NWD2: variants seen among roughly 807,000 people sequenced by gnomAD.
The protein encoded by NWD2 is NACHT and WD repeat domain containing 2.
A neutral mutation model predicts 132.7 loss-of-function variants in NWD2; 37 were observed. The ratio of observed to expected loss-of-function variants is 0.28; its 90% CI spans 0.21 to 0.37. The LOEUF is 0.37. Among genes scored for constraint, NWD2 ranks in the 10% least tolerant of loss-of-function variants. NWD2 has a pLI of 1.00. For synonymous variants in NWD2, 705 were observed against 803.0 expected (o/e 0.88, Z 2.06); for missense variants, 1,592 against 2,122.4 (o/e 0.75, Z 4.91).
intron 1 of NWD2, among the ~76,000 whole-genome samples, chr4:37,299,956 C>G (rs1718579325): frequency 6.6e-6 from 1 of 152,082 alleles, no homozygotes; most frequent in African/African-American, 2.4e-5. Flanking sequence ...AATTTAACCC[C>G]CATACACTAT....
At chr4:37,374,764 C>T (rs958046607) in intron 3 of NWD2, among the ~76,000 whole-genome samples, 5 of 152,014 alleles carry the variant, frequency 3.3e-5, no homozygotes, top group Non-Finnish European at 7.4e-5. Context: ...GAAATAATAA[C>T]AGCAACAATA....
At chr4:37,253,038 C>T (rs1235748023) in intron 1 of NWD2, among the ~76,000 whole-genome samples, 2 of 150,656 alleles carry the variant, frequency 1.3e-5, no homozygotes, top group East Asian at 4.1e-4. Context: ...CTTTGACCTC[C>T]CTTTGTTATA....
chr4:37,375,141 T>C lies in NWD2; in HGVS notation c.357+18659T>C, dbSNP rs192646420. Among the ~76,000 whole-genome samples the C allele has an allele frequency of 2.1e-4, 32 of 152,312 alleles. No homozygotes were observed. In the South Asian group the frequency reaches 4.3e-3, roughly 21 times the overall value. ...CAAATAAATTGTTCCATTGTGAAGA[T>C]AGGCAAAGGTGTAAAAGTTCTCTTA... On this transcript the variant is annotated intron_variant, in intron 3 of 6. Coordinates refer to ENST00000309447, the MANE Select transcript of NWD2 (RefSeq NM_001144990.2).
chr4:37,432,838 G>A (rs1712217069), intron 4 of NWD2, among the ~76,000 whole-genome samples: 1 of 152,086 alleles, frequency 6.6e-6, no homozygotes. Flanking sequence ...TCCTTTAAAA[G>A]CAAATGAAAA....
chr4:37,391,132 A>G (rs1000750144), intron 3 of NWD2, among the ~76,000 whole-genome samples: 8 of 152,140 alleles, frequency 5.3e-5, no homozygotes, highest in African/African-American at 1.7e-4. Context: ...CCACTCAGAA[A>G]ATGTGTTTGT....
At chr4:37,403,954 A>G (rs759023701) in intron 3 of NWD2, among the ~76,000 whole-genome samples, 7 of 152,204 alleles carry the variant, frequency 4.6e-5, no homozygotes, top group Non-Finnish European at 4.4e-5. Flanking sequence ...AACAATTAGC[A>G]TCTTGTAGTT....
chr4:37,290,479 T>C (rs1718335468), intron 1 of NWD2, among the ~76,000 whole-genome samples: 1 of 152,144 alleles, frequency 6.6e-6, no homozygotes, highest in African/African-American at 2.4e-5. Flanking sequence ...CAGAGTGTTA[T>C]GGGAGTGTAT....
intron 1 of NWD2, among the ~76,000 whole-genome samples, chr4:37,247,010 G>A (rs938024567): frequency 2.6e-5 from 4 of 152,166 alleles, no homozygotes; most frequent in African/African-American, 9.7e-5. Flanking sequence ...TCGAATAAAA[G>A]CTTTAGCACA....
intron 3 of NWD2, among the ~76,000 whole-genome samples, chr4:37,424,916 G>A (rs1437973478): frequency 6.6e-6 from 1 of 152,144 alleles, no homozygotes; most frequent in Non-Finnish European, 1.5e-5. Context: ...AGTTGCAGCA[G>A]AGCTAACTGC....
chr4:37,303,440 T>G (rs1718645984), intron 1 of NWD2, among the ~76,000 whole-genome samples: 1 of 152,236 alleles, frequency 6.6e-6, no homozygotes, highest in African/African-American at 2.4e-5. Flanking sequence ...ATTTGAGATT[T>G]TTGTTACGGT....
chr4:37,405,431 GAAT>G, intron 3 of NWD2, among the ~76,000 whole-genome samples: 1 of 22,148 alleles, frequency 4.5e-5, no homozygotes, highest in South Asian at 1.6e-3. Flanking sequence ...TAATAGAATA[GAAT>G]AGAATAGAAT....
chr4:37,338,687 A>G (rs957796668), intron 2 of NWD2, among the ~76,000 whole-genome samples: 1 of 152,178 alleles, frequency 6.6e-6, no homozygotes, highest in East Asian at 1.9e-4. Context: ...TAATTTCTGA[A>G]TTGGGCAATC....
At chr4:37,432,858 G>A (rs1712217524) in intron 4 of NWD2, among the ~76,000 whole-genome samples, 2 of 152,120 alleles carry the variant, frequency 1.3e-5, no homozygotes. Flanking sequence ...AAGGAAGAGG[G>A]GAAAGGTGGA....
At chr4:37,427,363 T>C (rs1389107873) in intron 3 of NWD2, among the ~76,000 whole-genome samples, 2 of 152,186 alleles carry the variant, frequency 1.3e-5, no homozygotes, top group Non-Finnish European at 2.9e-5. Flanking sequence ...CTAAAAGAGA[T>C]AATGTTCCTC....
chr4:37,268,379 A>G (rs1031364772), intron 1 of NWD2, among the ~76,000 whole-genome samples: 2 of 151,982 alleles, frequency 1.3e-5, no homozygotes, highest in Non-Finnish European at 2.9e-5. Context: ...CTGCTTGACT[A>G]TTAACCTTTA....
At chr4:37,364,143 C>CAAAA (rs1720039234) in intron 3 of NWD2, among the ~76,000 whole-genome samples, 2 of 152,144 alleles carry the variant, frequency 1.3e-5, no homozygotes, top group South Asian at 4.2e-4. Context: ...GTCTCAAAAA[C>CAAAA]AAACAAACAA....
At chr4:37,300,712 A>T (rs1325541654) in intron 1 of NWD2, among the ~76,000 whole-genome samples, 1 of 152,082 alleles carries the variant, frequency 6.6e-6, no homozygotes, top group African/African-American at 2.4e-5. Context: ...TATCTAGTTG[A>T]ATGACTACCC....
In NWD2 at chr4:37,298,496, T is replaced by C. The variant is rs73807479; in HGVS notation, c.152-27440T>C. On this transcript the variant is annotated intron_variant, in intron 1 of 6. Coordinates refer to ENST00000309447, the MANE Select transcript of NWD2 (RefSeq NM_001144990.2). ...TCAGAGACTTCTTTTTGCTTATTAA[T>C]TGCTAATTTTTCCTTTGTAATTAAT... Among the ~76,000 whole-genome samples, 582 of 152,320 alleles carry C rather than the reference T, an allele frequency of 3.8e-3. 5 individuals carry two copies. The highest frequency in any genetic ancestry group is 0.013 in the African/African-American group (561 of 41,574).
At chr4:37,415,545 A>G (rs1016967947) in intron 3 of NWD2, among the ~76,000 whole-genome samples, 5 of 152,082 alleles carry the variant, frequency 3.3e-5, no homozygotes, top group African/African-American at 1.2e-4. Context: ...TTTACTAAAA[A>G]TACAAAAAAT....
Sources: allele counts gnomAD v4.1 joint callset (sites outside exome capture counted in the v4.1 genomes callset), GRCh38; gene constraint gnomAD v4.1.1; transcripts MANE v1.5; gene names NCBI Gene and HGNC (gene_info 2026-07-23, HGNC 2026-07-21).